SLC27A1: variants seen among roughly 807,000 people sequenced by gnomAD.
The protein encoded by SLC27A1 is solute carrier family 27 member 1, also known as long-chain fatty acid transport protein 1.
SLC27A1 carries 61 observed loss-of-function variants against 62.2 expected under a neutral mutation model. The observed-to-expected ratio is 0.98, with a 90% CI of 0.80 to 1.21. The LOEUF (loss-of-function observed/expected upper bound fraction) is 1.21, where lower values mean the gene tolerates loss of function less well. Among genes scored for constraint, SLC27A1 ranks in the 50% most tolerant of loss-of-function variants. The pLI is 0.00. For missense variants in SLC27A1, 903 were observed against 932.1 expected, an observed-to-expected ratio of 0.97 and a Z score of 0.41; for synonymous variants, 435 against 408.6, an observed-to-expected ratio of 1.06 and a Z score of -0.78.
chr19:17,486,833 G>A lies in SLC27A1; in HGVS notation c.438G>A (p.Leu146=). 1 of 1,591,812 alleles carries A rather than the reference G, an allele frequency of 6.3e-7. No individual in the cohort carries two copies. The highest frequency in any genetic ancestry group is 1.1e-5 in the South Asian group (1 of 89,646). Residue 146 remains leucine, a synonymous_variant, in exon 2 of 12, where the codon CTG becomes CTA. Transcript: ENST00000252595. This position sits in a 1 kb window ranked among gnomAD's most constrained non-coding sequence, Gnocchi z 6.6. Reference sequence around the variant, plus strand: ...GGCCGGAGTTCGTGGGGCTGTGGCTGGGCCTGGCCAAGGCGGGCATGGAGG... The same window carrying A: ...GGCCGGAGTTCGTGGGGCTGTGGCTAGGCCTGGCCAAGGCGGGCATGGAGG... ...EGRPEFVGLW[L]GLAKAGMEAA...
intron 7 of SLC27A1, chr19:17,498,516 A>G (rs571301755): frequency 4.3e-4 from 69 of 160,514 alleles, no homozygotes; most frequent in Non-Finnish European, 8.2e-4. Flanking sequence ...TGCATAGGAA[A>G]CACACCAGGC....
chr19:17,497,471 A>G lies in SLC27A1; in HGVS notation c.1206+7A>G. On this transcript the variant is annotated splice_region_variant and intron_variant, in intron 7 of 11. Transcript: ENST00000252595. ...TGCCAACATGGACGGCAAGGTGCAC[A>G]CCGGCAGGGCCCCGGGGCAGGTCTC... 6.2e-7 allele frequency: 1 copy of G among 1,602,904 alleles called. No homozygotes were observed. The highest frequency in any genetic ancestry group is 1.1e-5 in the South Asian group (1 of 89,266).
At position 17,504,859 on chromosome 19, in the gene SLC27A1, T is replaced by C. The variant is rs960073734; in HGVS notation, c.*247T>C. ...GTCTCCTTCCATCCCTGTCCCTGTCTGGCCTTAACTCTTCCCTCTTTTTCT... is the reference window on the plus strand; with the variant it reads ...GTCTCCTTCCATCCCTGTCCCTGTCCGGCCTTAACTCTTCCCTCTTTTTCT... On this transcript the variant is annotated 3_prime_UTR_variant, in exon 12 of 12. Transcript: ENST00000252595. 6 of 682,352 alleles carry C rather than the reference T, an allele frequency of 8.8e-6. No homozygotes were observed. The highest frequency in any genetic ancestry group is 1.6e-5 in the Non-Finnish European group (6 of 372,800). The allele number at this position is 682,352 out of a possible 1,614,324, so 42.3% of individuals were successfully genotyped here.
intron 11 of SLC27A1, among the ~76,000 whole-genome samples, chr19:17,502,860 G>C (rs1217010463): frequency 1.3e-5 from 2 of 151,738 alleles, no homozygotes; most frequent in African/African-American, 4.8e-5. Context: ...TAATTTTTTT[G>C]ATTTTTTGTA....
In SLC27A1 at chr19:17,487,326, G is replaced by A. The variant is rs2075245352; in HGVS notation, c.715G>A (p.Gly239Ser). ...TAPLAQIPSK[G>S]MDDRLFYIYT... ...CCCCTTGGCACAGATCCCCAGCAAGGGCATGGACGGTGAGTCAAGGGTGGG... is the reference window on the plus strand; with the variant it reads ...CCCCTTGGCACAGATCCCCAGCAAGAGCATGGACGGTGAGTCAAGGGTGGG... Residue 239 changes from glycine (G) to serine (S), a missense_variant, in exon 3 of 12, where the codon GGC becomes AGC. Coordinates refer to ENST00000252595, the MANE Select transcript of SLC27A1 (RefSeq NM_198580.3). 3.1e-6 allele frequency: 5 copies of A among 1,610,354 alleles called. No individual in the cohort carries two copies. Among genetic ancestry groups the A allele is most frequent in the Non-Finnish European group, 4.2e-6 (5 of 1,178,660 alleles).
Position 17,486,608 on chromosome 19 carries a change from C to T in SLC27A1, c.213C>T (p.His71=). The change falls in exon 2 of 12, where the codon CAC becomes CAT. Residue 71 remains histidine (H), a synonymous_variant. Coordinates refer to ENST00000252595, the MANE Select transcript of SLC27A1 (RefSeq NM_198580.3). The surrounding 1 kb of genome is among the most constrained non-coding windows in gnomAD (Gnocchi z 6.6). ...GCGTGCGCCTGGAGCTGCGGCGGCACCAGCGTGCCGGCCACACCATCCCGC... is the reference window on the plus strand; with the variant it reads ...GCGTGCGCCTGGAGCTGCGGCGGCATCAGCGTGCCGGCCACACCATCCCGC... ...LIRVRLELRR[H]QRAGHTIPRI... 1.3e-6 allele frequency: 2 copies of T among 1,594,974 alleles called. No individual in the cohort carries two copies. The highest frequency in any genetic ancestry group is 1.7e-6 in the Non-Finnish European group (2 of 1,177,126).
At chr19:17,481,056 GT>G (rs760171153) in intron 1 of SLC27A1, among the ~76,000 whole-genome samples, 1 of 151,718 alleles carries the variant, frequency 6.6e-6, no homozygotes, top group Non-Finnish European at 1.5e-5. Context: ...CTCCCAAGTG[GT>G]TGGGATTACA....
chr19:17,497,928 G>C (rs1255723588), intron 7 of SLC27A1: 1 of 190,808 alleles, frequency 5.2e-6, no homozygotes, highest in Non-Finnish European at 1.1e-5. Flanking sequence ...TCCTGCCTCA[G>C]CCTCCCAAGT....
chr19:17,475,172 C>T (rs779839449), intron 1 of SLC27A1, among the ~76,000 whole-genome samples: 1 of 152,218 alleles, frequency 6.6e-6, no homozygotes, highest in Non-Finnish European at 1.5e-5. Context: ...GCCTTGGCCT[C>T]CCAGAATGCT....
At chr19:17,489,826 G>A (rs1482575992) in intron 6 of SLC27A1, 4 of 152,514 alleles carry the variant, frequency 2.6e-5, no homozygotes, top group African/African-American at 4.8e-5. Flanking sequence ...GTAATGTGGG[G>A]CAGGATACAG....
At chr19:17,497,172 G>C (rs1568422013) in intron 6 of SLC27A1, 83 bp from the exon 7 acceptor site, 3 of 1,089,258 alleles carry the variant, frequency 2.8e-6, no homozygotes. Flanking sequence ...TCCCTGGGTG[G>C]GGCGGTCTCG....
Position 17,483,988 on chromosome 19 carries a change from G to A in SLC27A1, c.168-2575G>A, listed in dbSNP as rs1025311349. The A allele has an allele frequency of 3.3e-5, 5 of 152,324 alleles. No homozygotes were observed. In the East Asian group the frequency reaches 7.7e-4, roughly 23 times the overall value. The allele number at this position is 152,324 out of a possible 1,614,324, so 9.4% of individuals were successfully genotyped here. A position where few individuals can be genotyped will look rare whatever the true frequency, so the allele number is the denominator to read the frequency against. On this transcript the variant is annotated intron_variant, in intron 1 of 11. Transcript: ENST00000252595. ...TTGCAGTCTTGTCACCATCCAGCAC[G>A]GCCTGGTATTCAGTCATATACATGG...
chr19:17,480,525 G>A (rs186892285), intron 1 of SLC27A1, among the ~76,000 whole-genome samples: 228 of 142,278 alleles, frequency 1.6e-3, no homozygotes, highest in Non-Finnish European at 2.7e-3. Flanking sequence ...TGCCACAATG[G>A]CCAGTTAATT....
intron 1 of SLC27A1, among the ~76,000 whole-genome samples, chr19:17,484,451 C>A (rs943627575): frequency 7.2e-5 from 11 of 152,108 alleles, no homozygotes; most frequent in African/African-American, 2.7e-4. Context: ...ATTTTGCTGG[C>A]CCTGGTGACG....
At chr19:17,477,514 G>A (rs1463903824) in intron 1 of SLC27A1, among the ~76,000 whole-genome samples, 1 of 151,152 alleles carries the variant, frequency 6.6e-6, no homozygotes, top group African/African-American at 2.4e-5. Flanking sequence ...AAAGAGCTGG[G>A]ATTACAGGCA....
rs1472244944 is a variant in SLC27A1, at chr19:17,497,364, C to G, written c.1106C>G (p.Ala369Gly). ...GCGGTGGGGAACGGGCTGCGTCCTG[C>G]CATCTGGGAGGAGTTCACGGAGCGC... ...RLAVGNGLRPAIWEEFTERFG... is the reference protein window; with the variant it reads ...RLAVGNGLRPGIWEEFTERFG... Residue 369 changes from alanine to glycine, a missense_variant, in exon 7 of 12, where the codon GCC becomes GGC. Physicochemically the swap from Ala to Gly is moderately conservative, Grantham distance 60 (BLOSUM62 0). Transcript: ENST00000252595. The G allele has an allele frequency of 6.2e-7, 1 of 1,602,258 alleles. No homozygotes were observed.
chr19:17,470,140 A>T (rs534255140), upstream of SLC27A1, among the ~76,000 whole-genome samples: 74 of 152,058 alleles, frequency 4.9e-4, 1 homozygote, highest in South Asian at 0.012. Context: ...GCGAGGCCTG[A>T]CAGTGACCGA....
chr19:17,469,213 G>C (rs1031007915), upstream of SLC27A1, among the ~76,000 whole-genome samples: 1 of 152,188 alleles, frequency 6.6e-6, no homozygotes, highest in African/African-American at 2.4e-5. Context: ...CATGGATTAA[G>C]AATTAGCTGT....
In SLC27A1 at chr19:17,486,613, G is replaced by A. The variant is rs1568415228; in HGVS notation, c.218G>A (p.Arg73His). The change falls in exon 2 of 12, where the codon CGT becomes CAT. Residue 73 changes from arginine (R) to histidine (H), a missense_variant. By Grantham distance (29) the Arg-to-His change is conservative (BLOSUM62 0). Transcript: ENST00000252595. This position sits in a 1 kb window ranked among gnomAD's most constrained non-coding sequence, Gnocchi z 6.6. ...CGCCTGGAGCTGCGGCGGCACCAGCGTGCCGGCCACACCATCCCGCGCATC... is the reference window on the plus strand; with the variant it reads ...CGCCTGGAGCTGCGGCGGCACCAGCATGCCGGCCACACCATCCCGCGCATC... Reference protein sequence around the residue: ...RVRLELRRHQRAGHTIPRIFQ... With the variant: ...RVRLELRRHQHAGHTIPRIFQ... The A allele has an allele frequency of 2.5e-6, 4 of 1,595,938 alleles. No homozygotes were observed. In the South Asian group the frequency reaches 3.3e-5, roughly 13 times the overall value.
Sources: allele counts gnomAD v4.1 joint callset (sites outside exome capture counted in the v4.1 genomes callset), GRCh38; gene constraint gnomAD v4.1.1; non-coding constraint Gnocchi (gnomAD v3.1); transcripts MANE v1.5; gene names NCBI Gene and HGNC (gene_info 2026-07-23, HGNC 2026-07-21).